WDR70: variants seen among roughly 807,000 people sequenced by gnomAD.
WDR70 encodes the protein WD repeat domain 70, also known as WD repeat-containing protein 70.
WDR70 carries 53 observed loss-of-function variants against 88.6 expected under a neutral mutation model. The ratio of observed to expected loss-of-function variants is 0.60; its 90% CI spans 0.48 to 0.75. The LOEUF is 0.75. Ranked by LOEUF, WDR70 falls within the 30% of genes least tolerant of loss-of-function variation. The pLI is 0.00. For missense variants in WDR70, 610 were observed against 823.2 expected (o/e 0.74, Z 3.17); for synonymous variants, 280 against 270.0 (o/e 1.04, Z -0.36).
At chr5:37,385,468 A>C (rs866757346) in intron 3 of WDR70, among the ~76,000 whole-genome samples, 1 of 136,644 alleles carries the variant, frequency 7.3e-6, no homozygotes, top group Non-Finnish European at 1.5e-5. Flanking sequence ...GCAGTGAGCT[A>C]TGATCATGCC....
chr5:37,459,110 G>GCCGCA (rs1435352230), intron 7 of WDR70, among the ~76,000 whole-genome samples: 73 of 60,492 alleles, frequency 1.2e-3, no homozygotes, highest in East Asian at 2.3e-3. Context: ...GGAGCAGGTT[G>GCCGCA]TTCAGTTTCC....
chr5:37,691,061 C>T (rs542073407), intron 10 of WDR70, among the ~76,000 whole-genome samples: 3 of 152,134 alleles, frequency 2.0e-5, no homozygotes, highest in Non-Finnish European at 2.9e-5. Flanking sequence ...CAAAAAAAAG[C>T]GGGGGTTGCA....
At chr5:37,654,825 T>G (rs1745504446) in intron 10 of WDR70, among the ~76,000 whole-genome samples, 1 of 152,216 alleles carries the variant, frequency 6.6e-6, no homozygotes, top group Non-Finnish European at 1.5e-5. Flanking sequence ...TCCCTTTATC[T>G]TGAGCCTGTG....
intron 13 of WDR70, among the ~76,000 whole-genome samples, chr5:37,715,928 A>G (rs1015457194): frequency 6.6e-6 from 1 of 151,874 alleles, no homozygotes; most frequent in African/African-American, 2.4e-5. Context: ...ACACACACGC[A>G]CACACACACA....
At chr5:37,493,593 C>T (rs1370818917) in intron 8 of WDR70, among the ~76,000 whole-genome samples, 1 of 152,162 alleles carries the variant, frequency 6.6e-6, no homozygotes, top group African/African-American at 2.4e-5. Context: ...TCTGTGAGAT[C>T]CTGAGCAGAG....
In WDR70 at chr5:37,697,762, A is replaced by G. The variant is rs1198070099; in HGVS notation, c.1192+8A>G. 6.2e-7 allele frequency: 1 copy of G among 1,603,368 alleles called. No homozygotes were observed. Among genetic ancestry groups the G allele is most frequent in the South Asian group, 1.1e-5 (1 of 90,734 alleles). ...TCCTTGCCTCTCGTGGAGGTAGGTT[A>G]AAAGCTTTCTTTTTGATGTATTTCT... On this transcript the variant is annotated splice_region_variant and intron_variant, in intron 11 of 17. Transcript: ENST00000265107.
intron 9 of WDR70, among the ~76,000 whole-genome samples, chr5:37,551,958 G>T (rs1742161683): frequency 6.6e-6 from 1 of 151,764 alleles, no homozygotes; most frequent in Admixed American, 6.6e-5. Flanking sequence ...TTTCAGTAGA[G>T]ATGGGGTTTC....
intron 10 of WDR70, among the ~76,000 whole-genome samples, chr5:37,678,290 A>G (rs1228722219): frequency 1.3e-5 from 2 of 151,914 alleles, no homozygotes; most frequent in Admixed American, 6.6e-5. Flanking sequence ...TTAGCTGGTT[A>G]TTTTGCTCGT....
chr5:37,653,906 A>C (rs918842693), intron 10 of WDR70, among the ~76,000 whole-genome samples: 2 of 151,592 alleles, frequency 1.3e-5, no homozygotes, highest in African/African-American at 4.9e-5. Context: ...GGATTCATTG[A>C]TTTTTTTCTT....
intron 9 of WDR70, among the ~76,000 whole-genome samples, chr5:37,574,472 C>T (rs1481255128): frequency 1.3e-5 from 2 of 152,120 alleles, no homozygotes; most frequent in African/African-American, 4.8e-5. Flanking sequence ...TTTCCTTCTC[C>T]TCTTGTTGTC....
intron 9 of WDR70, among the ~76,000 whole-genome samples, chr5:37,525,810 G>GA (rs1741249942): frequency 1.3e-5 from 2 of 152,018 alleles, no homozygotes; most frequent in African/African-American, 4.8e-5. Flanking sequence ...TATCACCACC[G>GA]ATCTCACAGA....
intron 8 of WDR70, among the ~76,000 whole-genome samples, chr5:37,486,028 A>C (rs1401978935): frequency 2.0e-5 from 3 of 152,108 alleles, no homozygotes; most frequent in Middle Eastern, 6.8e-3. Flanking sequence ...AATATATATT[A>C]AATAAGCACA....
At chr5:37,511,834 A>G (rs531683665) in intron 8 of WDR70, among the ~76,000 whole-genome samples, 15 of 152,248 alleles carry the variant, frequency 9.9e-5, no homozygotes, top group South Asian at 8.3e-4. Flanking sequence ...TTAGTTCTTC[A>G]TTATATTGAA....
chr5:37,569,458 G>A (rs115527813), intron 9 of WDR70, among the ~76,000 whole-genome samples: 33 of 152,216 alleles, frequency 2.2e-4, no homozygotes, highest in African/African-American at 7.2e-4. Context: ...GCAAATAATC[G>A]TTTTTGTTGT....
At chr5:37,671,415 A>G (rs1223638449) in intron 10 of WDR70, among the ~76,000 whole-genome samples, 4 of 152,132 alleles carry the variant, frequency 2.6e-5, no homozygotes, top group Admixed American at 1.3e-4. Flanking sequence ...GTGGGGGAGA[A>G]GGGCAGGGGT....
At chr5:37,393,812 G>C (rs60063938) in intron 4 of WDR70, among the ~76,000 whole-genome samples, 19,747 of 151,816 alleles carry the variant, frequency 0.13, 4,214 homozygotes, top group African/African-American at 0.45. Context: ...CCTTAAGTAG[G>C]TGGTACTACA....
chr5:37,628,594 A>C (rs1744733631), intron 10 of WDR70, among the ~76,000 whole-genome samples: 1 of 152,164 alleles, frequency 6.6e-6, no homozygotes. Context: ...TTTATAGCTG[A>C]GGTGAGATTC....
chr5:37,545,210 C>T (rs1426026145), intron 9 of WDR70, among the ~76,000 whole-genome samples: 1 of 152,150 alleles, frequency 6.6e-6, no homozygotes, highest in South Asian at 2.1e-4. Context: ...GTTGGTATGA[C>T]AATTCTGTAG....
intron 5 of WDR70, among the ~76,000 whole-genome samples, chr5:37,399,248 A>G (rs527975302): frequency 6.6e-6 from 1 of 152,206 alleles, no homozygotes; most frequent in East Asian, 1.9e-4. Flanking sequence ...ACTGCACTCC[A>G]GTCTGGGTGA....
Sources: gnomAD v4.1 joint callset for allele counts (sites outside exome capture counted in the v4.1 genomes callset) on GRCh38, gnomAD v4.1.1 for gene constraint, MANE v1.5 for transcripts, NCBI Gene and HGNC (gene_info 2026-07-23, HGNC 2026-07-21) for gene names.